Variants in PREPL observed in about 807,000 individuals in gnomAD.
PREPL encodes prolyl endopeptidase like.
Under a neutral mutation model 70.6 loss-of-function variants are expected in PREPL, and 77 were observed. The ratio of observed to expected loss-of-function variants is 1.09; its 90% CI spans 0.91 to 1.32. PREPL has a LOEUF of 1.32. PREPL is among the 40% of genes most tolerant of loss of function. The pLI, the probability that PREPL is intolerant of heterozygous loss-of-function variation, is 0.00. For synonymous variants in PREPL, 315 were observed against 264.8 expected, an observed-to-expected ratio of 1.19 and a Z score of -1.84; for missense variants, 1,002 against 778.2, an observed-to-expected ratio of 1.29 and a Z score of -3.42.
chr2:44,337,809 G>C (rs6717583), intron 7 of PREPL, among the ~76,000 whole-genome samples: 147,137 of 152,344 alleles, frequency 0.97, 71,088 homozygotes, highest in Middle Eastern at 1. Flanking sequence ...GCCACTATTA[G>C]CCTTCTGTGC....
rs1558473377 is a variant in PREPL at position 44,317,965 on chromosome 2, TAGAA to T, written c.*3387_*3390del. On this transcript the variant is annotated 3_prime_UTR_variant, in exon 14 of 14. Coordinates refer to ENST00000409411, the MANE Select transcript of PREPL (RefSeq NM_001171613.2). ...AAATGAAGATATAGCAAGCAAATAA[TAGAA>T]AGCTTGCAACCCAGCTATAGCTATA... 2 of 267,434 alleles carry T rather than the reference TAGAA, an allele frequency of 7.5e-6. No individual in the cohort carries two copies. The highest frequency in any genetic ancestry group is 2.4e-5 in the African/African-American group (1 of 42,276). The allele number at this position is 267,434 out of a possible 1,614,324, so 16.6% of individuals were successfully genotyped here. A position where few individuals can be genotyped will look rare whatever the true frequency, so the allele number is the denominator to read the frequency against.
At position 44,322,736 on chromosome 2, in the gene PREPL, C is replaced by T. The variant is rs752333096; in HGVS notation, c.1748G>A (p.Gly583Asp). Residue 583 changes from glycine (G) to aspartate (D), a missense_variant, in exon 12 of 14, where the codon GGT becomes GAT. Physicochemically the swap from Gly to Asp is moderately conservative, Grantham distance 94. Coordinates refer to ENST00000409411, the MANE Select transcript of PREPL (RefSeq NM_001171613.2). ...EAIAEHAKDT[G>D]EGYQTPNIIL... ...GCTTCTAGGGGGTCTCCTACCTTCA[C>T]CTGTGTCCTTAGCATGCTCCGCGAT... The T allele has an allele frequency of 6.8e-6, 11 of 1,613,532 alleles. No homozygotes were observed. In the South Asian group the frequency reaches 9.9e-5, roughly 14 times the overall value.
At chr2:44,321,496 G>A in intron 13 of PREPL, 51 bp from the exon 14 acceptor site, 1 of 1,586,730 alleles carries the variant, frequency 6.3e-7, no homozygotes. Flanking sequence ...GTAGTAAAAT[G>A]CCACTGTTTA....
chr2:44,324,915 A>C (rs1450548218), intron 10 of PREPL, among the ~76,000 whole-genome samples: 2 of 152,108 alleles, frequency 1.3e-5, no homozygotes, highest in African/African-American at 2.4e-5. Context: ...CAAAACAAAA[A>C]AACAAAAACC....
intron 10 of PREPL, among the ~76,000 whole-genome samples, chr2:44,324,333 A>T (rs1320024751): frequency 1.3e-5 from 2 of 152,218 alleles, no homozygotes; most frequent in Non-Finnish European, 2.9e-5. Context: ...TTGACTGCAT[A>T]AGCCTATGAG....
At chr2:44,327,005 G>A in intron 9 of PREPL, 77 bp from the exon 10 acceptor site, 1 of 1,247,280 alleles carries the variant, frequency 8.0e-7, no homozygotes. Flanking sequence ...AACTACACCT[G>A]GAGGCCTGTT....
At chr2:44,354,131 G>A (rs558972131) in intron 1 of PREPL, among the ~76,000 whole-genome samples, 1 of 152,118 alleles carries the variant, frequency 6.6e-6, no homozygotes, top group Non-Finnish European at 1.5e-5. Context: ...ACTCCAGCCT[G>A]AGCAACAGAG....
chr2:44,338,283 A>G, intron 7 of PREPL, 68 bp downstream of exon 7: 1 of 1,359,418 alleles, frequency 7.4e-7, no homozygotes, highest in Non-Finnish European at 1.0e-6. Context: ...TCAAAATGTG[A>G]TGTTCTGTTA....
chr2:44,353,586 T>A (rs1322491805), intron 1 of PREPL, among the ~76,000 whole-genome samples: 4 of 146,120 alleles, frequency 2.7e-5, no homozygotes, highest in African/African-American at 7.5e-5. Context: ...AGACTCCATC[T>A]CAAAAAATAA....
chr2:44,330,731 T>C (rs1190676652), intron 8 of PREPL, among the ~76,000 whole-genome samples: 2 of 152,232 alleles, frequency 1.3e-5, no homozygotes, highest in Admixed American at 6.5e-5. Flanking sequence ...TTATCTGATA[T>C]ATGATATGCT....
At chr2:44,331,397 G>C (rs1018484120) in intron 8 of PREPL, among the ~76,000 whole-genome samples, 2 of 152,050 alleles carry the variant, frequency 1.3e-5, no homozygotes, top group Admixed American at 1.3e-4. Context: ...TGTATTTTTA[G>C]TAGAGATGGG....
rs531233962 is a variant in PREPL, at chr2:44,358,416, T to G, written c.-49+2964A>C. On this transcript the variant is annotated intron_variant, in intron 1 of 13. Transcript: ENST00000409411. The stretch of plus-strand genomic sequence containing the variant: ...CCAGAAATTAAAATAAAAAAAATAT[T>G]AAAATCATAAATTTGTGAAACTATT... 7.2e-5 allele frequency among the ~76,000 whole-genome samples: 11 copies of G among 152,218 alleles called. No homozygotes were observed. In the East Asian group the frequency reaches 1.9e-3, roughly 27 times the overall value.
At chr2:44,343,995 C>T in intron 3 of PREPL, 44 bp from the exon 4 acceptor site, 1 of 1,574,294 alleles carries the variant, frequency 6.4e-7, no homozygotes, top group South Asian at 1.2e-5. Flanking sequence ...AAAGGATGTA[C>T]TTTAAAAAAT....
intron 11 of PREPL, 77 bp downstream of exon 11, chr2:44,323,185 C>T: frequency 7.2e-7 from 1 of 1,384,372 alleles, no homozygotes; most frequent in Non-Finnish European, 9.7e-7. Context: ...CCTATTTTTG[C>T]TTCAGCTTGG....
intron 13 of PREPL, 70 bp downstream of exon 13, chr2:44,321,757 C>T (rs1672976683): frequency 6.2e-7 from 1 of 1,612,824 alleles, no homozygotes; most frequent in South Asian, 1.1e-5. Flanking sequence ...CTGCTGCAAC[C>T]ACTGAAAATG....
At chr2:44,355,883 T>C (rs1323893170) in intron 1 of PREPL, among the ~76,000 whole-genome samples, 3 of 152,086 alleles carry the variant, frequency 2.0e-5, no homozygotes, top group African/African-American at 4.8e-5. Context: ...GTCTTCTCTC[T>C]TTAATTATAC....
intron 7 of PREPL, 39 bp from the exon 8 acceptor site, chr2:44,332,695 GCCA>G (rs1475634937): frequency 1.4e-6 from 2 of 1,470,070 alleles, no homozygotes; most frequent in East Asian, 2.3e-5. Context: ...CTTTATTTAG[GCCA>G]CCAAGTATCA....
At chr2:44,337,459 T>G (rs1674750606) in intron 7 of PREPL, among the ~76,000 whole-genome samples, 1 of 152,212 alleles carries the variant, frequency 6.6e-6, no homozygotes, top group South Asian at 2.1e-4. Flanking sequence ...GATTCTATAA[T>G]GCCCGATACA....
At chr2:44,335,264 A>AC (rs1288414827) in intron 7 of PREPL, among the ~76,000 whole-genome samples, 3 of 152,244 alleles carry the variant, frequency 2.0e-5, no homozygotes, top group Non-Finnish European at 4.4e-5. Flanking sequence ...AAGAATACTT[A>AC]CAAAAAATAT....
Sources: gnomAD v4.1 joint callset for allele counts (sites outside exome capture counted in the v4.1 genomes callset) on GRCh38, gnomAD v4.1.1 for gene constraint, MANE v1.5 for transcripts, NCBI Gene and HGNC (gene_info 2026-07-23, HGNC 2026-07-21) for gene names.